The following KCTD16 variants were observed in gnomAD, a reference collection of about 807,000 sequenced individuals.
KCTD16 encodes the protein potassium channel tetramerization domain containing 16.
KCTD16 carries 13 observed loss-of-function variants against 33.2 expected under a neutral mutation model. The observed-to-expected ratio is 0.39, with a 90% CI of 0.25 to 0.62. The LOEUF is 0.62. KCTD16 is among the 20% of genes least tolerant of loss of function. The probability of loss-of-function intolerance (pLI) is 0.50; values close to 1 mark genes in which losing one functional copy is unlikely to be tolerated. For synonymous variants in KCTD16, 197 were observed against 195.3 expected (o/e 1.01, Z -0.07); for missense variants, 441 against 525.1 (o/e 0.84, Z 1.57).
At position 144,480,950 on chromosome 5, in the gene KCTD16, A is replaced by G. The variant is rs1162823585; in HGVS notation, c.*6836A>G. Reference sequence around the variant, plus strand: ...TCGGAACCAGTTTAAATGTGTATAGAAATTATATGTATGGAAATTATTTGA... The same window carrying G: ...TCGGAACCAGTTTAAATGTGTATAGGAATTATATGTATGGAAATTATTTGA... On this transcript the variant is annotated 3_prime_UTR_variant, in exon 4 of 4. Transcript: ENST00000512467. 6.6e-6 allele frequency: 1 copy of G among 151,998 alleles called. No homozygotes were observed. The highest frequency in any genetic ancestry group is 6.6e-5 in the Admixed American group (1 of 15,230). 9.4% of individuals were successfully genotyped at this position (151,998 alleles called of 1,614,324 possible).
intron 3 of KCTD16, among the ~76,000 whole-genome samples, chr5:144,293,333 T>C (rs545471401): frequency 6.4e-4 from 97 of 152,336 alleles, no homozygotes; most frequent in Middle Eastern, 3.4e-3. Context: ...TTTGTTCCTG[T>C]TGTGAATGTT....
At chr5:144,350,670 G>T (rs560167248) in intron 3 of KCTD16, among the ~76,000 whole-genome samples, 1 of 152,160 alleles carries the variant, frequency 6.6e-6, no homozygotes, top group African/African-American at 2.4e-5. Context: ...ACCATTCTGT[G>T]CATGTCCAGA....
At chr5:144,436,379 T>A (rs926833622) in intron 3 of KCTD16, among the ~76,000 whole-genome samples, 4 of 152,104 alleles carry the variant, frequency 2.6e-5, no homozygotes, top group Non-Finnish European at 2.9e-5. Flanking sequence ...AAAACACTGT[T>A]CACTTTATTT....
At chr5:144,318,670 G>T (rs982085209) in intron 3 of KCTD16, among the ~76,000 whole-genome samples, 2 of 152,054 alleles carry the variant, frequency 1.3e-5, no homozygotes, top group African/African-American at 4.8e-5. Flanking sequence ...CTGCCTGACC[G>T]CTAGAACTTA....
At chr5:144,469,211 T>C (rs1754416274) in intron 3 of KCTD16, among the ~76,000 whole-genome samples, 2 of 152,198 alleles carry the variant, frequency 1.3e-5, no homozygotes, top group South Asian at 4.1e-4. Context: ...TATCCATTTG[T>C]GAAATTTTAA....
intron 3 of KCTD16, among the ~76,000 whole-genome samples, chr5:144,325,804 C>T (rs1752191074): frequency 6.6e-6 from 1 of 152,108 alleles, no homozygotes; most frequent in African/African-American, 2.4e-5. Context: ...TTTCCCCTCA[C>T]CCCTTGATTG....
intron 3 of KCTD16, among the ~76,000 whole-genome samples, chr5:144,417,537 G>A (rs935033291): frequency 6.6e-6 from 1 of 152,082 alleles, no homozygotes; most frequent in African/African-American, 2.4e-5. Flanking sequence ...ATGATTTGCA[G>A]TATTTTCTCC....
chr5:144,428,565 A>G (rs1753387330), intron 3 of KCTD16, among the ~76,000 whole-genome samples: 1 of 152,186 alleles, frequency 6.6e-6, no homozygotes, highest in African/African-American at 2.4e-5. Flanking sequence ...CTTAAATCAA[A>G]TTGTCATTTT....
At chr5:144,435,655 T>A (rs1753559038) in intron 3 of KCTD16, among the ~76,000 whole-genome samples, 2 of 152,226 alleles carry the variant, frequency 1.3e-5, no homozygotes, top group African/African-American at 4.8e-5. Flanking sequence ...TTTAAAATGT[T>A]GATAAATATT....
intron 3 of KCTD16, among the ~76,000 whole-genome samples, chr5:144,213,515 A>G (rs1280440085): frequency 2.0e-5 from 3 of 151,546 alleles, no homozygotes; most frequent in Non-Finnish European, 4.4e-5. Context: ...TTGCTCATCC[A>G]TCTCTATGAT....
chr5:144,473,669 C>G lies in KCTD16; in HGVS notation c.842C>G (p.Ser281Cys), dbSNP rs1181269891. 6.3e-7 allele frequency: 1 copy of G among 1,595,134 alleles called. No individual in the cohort carries two copies. Among genetic ancestry groups the G allele is most frequent in the Non-Finnish European group, 8.6e-7 (1 of 1,166,214 alleles). ...YTEYVFYREP[S>C]RWSPSHCDCC... ...TTTGCTTTCTTTTCAGGTGAGCCTT[C>G]CAGATGGTCACCCTCACACTGCGAT... The change falls in exon 4 of 4, where the codon TCC becomes TGC. Residue 281 changes from serine (S) to cysteine (C), a missense_variant. By Grantham distance (112) the Ser-to-Cys change is moderately radical. Transcript: ENST00000512467.
Position 144,333,052 on chromosome 5 carries a change from G to C in KCTD16, c.832+125506G>C, listed in dbSNP as rs535843302. 2.0e-5 allele frequency among the ~76,000 whole-genome samples: 3 copies of C among 152,230 alleles called. No individual in the cohort carries two copies. In the South Asian group the frequency reaches 6.2e-4, roughly 32 times the overall value. On this transcript the variant is annotated intron_variant, in intron 3 of 3. Transcript: ENST00000512467. ...TCTCACCCTGGCCTTCCCACAACTC[G>C]TGGGAATTATGGGAGCTACAATTCG...
chr5:144,304,727 G>T (rs1751547569), intron 3 of KCTD16, among the ~76,000 whole-genome samples: 2 of 152,140 alleles, frequency 1.3e-5, no homozygotes, highest in Non-Finnish European at 2.9e-5. Context: ...GAACGTTTTG[G>T]TCCCAGGAGA....
chr5:144,285,962 C>CT (rs34103216), intron 3 of KCTD16, among the ~76,000 whole-genome samples: 2,232 of 117,462 alleles, frequency 0.019, 57 homozygotes, highest in African/African-American at 0.061. Flanking sequence ...CCATCCTAAT[C>CT]TTTTTTTTTT....
At chr5:144,431,679 T>A (rs1561605661) in intron 3 of KCTD16, among the ~76,000 whole-genome samples, 1 of 152,160 alleles carries the variant, frequency 6.6e-6, no homozygotes, top group Non-Finnish European at 1.5e-5. Flanking sequence ...ATGCAGGTGG[T>A]TCCAGCAGCA....
intron 3 of KCTD16, chr5:144,369,543 T>G (rs1751919350): frequency 6.6e-6 from 1 of 152,184 alleles, no homozygotes; most frequent in African/African-American, 2.4e-5. Context: ...GCTCCCTGAC[T>G]CCAGAATGGA....
At chr5:144,234,964 C>A (rs1225313332) in intron 3 of KCTD16, among the ~76,000 whole-genome samples, 1 of 151,976 alleles carries the variant, frequency 6.6e-6, no homozygotes, top group Admixed American at 6.6e-5. Flanking sequence ...AACAGAAATG[C>A]ATCATTAACT....
rs1833725 is a variant in KCTD16, at chr5:144,316,827, T to C, written c.832+109281T>C. ...TGCACCTGGCCCTGGCCAGCATCCCTTTTTTTTTTTTTTTTTTTTGATACG... is the reference window on the plus strand; with the variant it reads ...TGCACCTGGCCCTGGCCAGCATCCCCTTTTTTTTTTTTTTTTTTTGATACG... On this transcript the variant is annotated intron_variant, in intron 3 of 3. Transcript: ENST00000512467. Among the ~76,000 whole-genome samples the C allele has an allele frequency of 9.1e-3, 568 of 62,168 alleles. 11 individuals carry two copies. Among genetic ancestry groups the C allele is most frequent in the African/African-American group, 0.053 (532 of 10,062 alleles). 40.8% of individuals were successfully genotyped at this position (62,168 alleles called of 152,430 possible). A position where few individuals can be genotyped will look rare whatever the true frequency, so the allele number is the denominator to read the frequency against.
At chr5:144,281,775 G>A (rs1198160078) in intron 3 of KCTD16, among the ~76,000 whole-genome samples, 2 of 152,142 alleles carry the variant, frequency 1.3e-5, no homozygotes, top group East Asian at 3.9e-4. Flanking sequence ...ATTACTGAGA[G>A]ATAAGTGTTA....
Sources: gnomAD v4.1 joint callset for allele counts (sites outside exome capture counted in the v4.1 genomes callset) on GRCh38, gnomAD v4.1.1 for gene constraint, MANE v1.5 for transcripts, NCBI Gene and HGNC (gene_info 2026-07-23, HGNC 2026-07-21) for gene names.